Variants in TBC1D32 observed in about 807,000 individuals in gnomAD.
TBC1D32 encodes the protein protein broad-minded.
A neutral mutation model predicts 170.3 loss-of-function variants in TBC1D32; 151 were observed. The ratio of observed to expected loss-of-function variants is 0.89; its 90% CI spans 0.78 to 1.01. TBC1D32 has a LOEUF of 1.01. Among genes scored for constraint, TBC1D32 ranks in the 50% least tolerant of loss-of-function variants. The pLI is 0.00. For missense variants in TBC1D32, 1,464 were observed against 1,457.1 expected (o/e 1.00, Z -0.08); for synonymous variants, 498 against 488.0 (o/e 1.02, Z -0.27).
chr6:121,091,379 T>C (rs1428920998), intron 30 of TBC1D32, among the ~76,000 whole-genome samples: 1 of 152,146 alleles, frequency 6.6e-6, no homozygotes, highest in African/African-American at 2.4e-5. Context: ...TAAGAGACTA[T>C]TTTAATTCAG....
chr6:121,279,478 A>C (rs1406513991), intron 14 of TBC1D32, among the ~76,000 whole-genome samples: 1 of 151,944 alleles, frequency 6.6e-6, no homozygotes, highest in East Asian at 1.9e-4. Flanking sequence ...TTTTTCACCC[A>C]AACTATTGAG....
chr6:121,086,302 T>C (rs369585000), intron 31 of TBC1D32, among the ~76,000 whole-genome samples: 15 of 152,086 alleles, frequency 9.9e-5, no homozygotes, highest in Admixed American at 2.0e-4. Context: ...AAGTTAGAAT[T>C]TGAAACCAGA....
chr6:121,223,051 T>G (rs560824846), intron 21 of TBC1D32, among the ~76,000 whole-genome samples, 185 bp downstream of exon 21: 2 of 152,326 alleles, frequency 1.3e-5, no homozygotes, highest in African/African-American at 4.8e-5. Flanking sequence ...TTAGGTGACC[T>G]GGATCAAAGA....
At chr6:121,172,810 A>G (rs1184810245) in intron 22 of TBC1D32, among the ~76,000 whole-genome samples, 1 of 152,172 alleles carries the variant, frequency 6.6e-6, no homozygotes, top group Non-Finnish European at 1.5e-5. Flanking sequence ...TCATATCAGC[A>G]TTTAAGTGTT....
intron 12 of TBC1D32, among the ~76,000 whole-genome samples, chr6:121,287,456 T>C (rs182807576): frequency 1.3e-5 from 2 of 152,272 alleles, no homozygotes; most frequent in African/African-American, 4.8e-5. Context: ...GAGCTAACTA[T>C]CCTAAATATA....
At chr6:121,108,308 A>G (rs540511208) in intron 29 of TBC1D32, among the ~76,000 whole-genome samples, 13 of 152,140 alleles carry the variant, frequency 8.5e-5, no homozygotes, top group African/African-American at 3.1e-4. Context: ...ATTGTTTATT[A>G]TACTTATAGA....
At chr6:121,113,288 T>C in intron 27 of TBC1D32, 111 bp from the exon 28 acceptor site, 3 of 611,452 alleles carry the variant, frequency 4.9e-6, no homozygotes, top group East Asian at 2.9e-5. Context: ...AAAGATTAGC[T>C]CTCAATACAT....
intron 19 of TBC1D32, among the ~76,000 whole-genome samples, 157 bp downstream of exon 19, chr6:121,241,308 A>G (rs1468171363): frequency 6.6e-6 from 1 of 152,244 alleles, no homozygotes; most frequent in East Asian, 1.9e-4. Context: ...AAAGACAAAA[A>G]GAAAATCCTG....
At chr6:121,304,920 A>G in intron 5 of TBC1D32, 87 bp from the exon 6 acceptor site, 1 of 858,494 alleles carries the variant, frequency 1.2e-6, no homozygotes, top group South Asian at 1.6e-5. Context: ...AAAAACTCAG[A>G]AAATAAAATA....
chr6:121,146,927 G>A (rs1284173461), intron 24 of TBC1D32, among the ~76,000 whole-genome samples: 1 of 152,104 alleles, frequency 6.6e-6, no homozygotes, highest in Non-Finnish European at 1.5e-5. Flanking sequence ...AGGGTGATGA[G>A]CACAGCAGCC....
intron 30 of TBC1D32, among the ~76,000 whole-genome samples, chr6:121,104,988 G>A (rs1778540880): frequency 6.6e-6 from 1 of 151,720 alleles, no homozygotes; most frequent in African/African-American, 2.4e-5. Context: ...GTAAATGATA[G>A]GCTTATTCTT....
chr6:121,321,517 A>T, intron 2 of TBC1D32, 116 bp downstream of exon 2: 1 of 1,000,944 alleles, frequency 1.0e-6, no homozygotes, highest in Non-Finnish European at 1.4e-6. Context: ...TCATTGTTTT[A>T]AAGAATCATT....
At chr6:121,300,911 T>C (rs977719894) in intron 9 of TBC1D32, among the ~76,000 whole-genome samples, 2 of 152,156 alleles carry the variant, frequency 1.3e-5, no homozygotes, top group African/African-American at 4.8e-5. Flanking sequence ...AAAGAAGACA[T>C]TTATGCAGCC....
chr6:121,248,760 A>G (rs1375126081), intron 17 of TBC1D32, among the ~76,000 whole-genome samples: 2 of 151,826 alleles, frequency 1.3e-5, no homozygotes, highest in East Asian at 3.9e-4. Flanking sequence ...TTAAGAAGAA[A>G]CAGAAACCCT....
rs1227882651 is a variant in TBC1D32 at position 121,273,935 on chromosome 6, T to C, written c.1733+5186A>G. On this transcript the variant is annotated intron_variant, in intron 15 of 31. Transcript: ENST00000398212. ...TCTGTTCATAAATCTTCTTCCACCATGTGGCTGTGCTGGAGTTTCTCTGAG... is the reference window on the plus strand; with the variant it reads ...TCTGTTCATAAATCTTCTTCCACCACGTGGCTGTGCTGGAGTTTCTCTGAG... Among the ~76,000 whole-genome samples the C allele has an allele frequency of 2.0e-5, 3 of 152,182 alleles. No homozygotes were observed. In the East Asian group the frequency reaches 5.8e-4, roughly 29 times the overall value.
chr6:121,223,479 A>G (rs1300420796), intron 20 of TBC1D32, 127 bp from the exon 21 acceptor site: 2 of 691,516 alleles, frequency 2.9e-6, no homozygotes, highest in South Asian at 1.7e-5. Flanking sequence ...TAATTCCCAT[A>G]CGTTTGAAAT....
intron 22 of TBC1D32, among the ~76,000 whole-genome samples, chr6:121,174,011 A>C (rs1268221586): frequency 1.3e-5 from 2 of 152,156 alleles, no homozygotes; most frequent in Non-Finnish European, 2.9e-5. Flanking sequence ...TCTATGAATT[A>C]AACAAGTTTG....
chr6:121,195,761 G>C (rs1325122896), intron 22 of TBC1D32, among the ~76,000 whole-genome samples: 1 of 152,134 alleles, frequency 6.6e-6, no homozygotes, highest in Non-Finnish European at 1.5e-5. Flanking sequence ...GGTTCTGCAC[G>C]ATATGCAGGC....
Position 121,205,103 on chromosome 6 carries a change from A to T in TBC1D32, c.2542T>A (p.Tyr848Asn), listed in dbSNP as rs748334463. 6.5e-7 allele frequency: 1 copy of T among 1,532,322 alleles called. No individual in the cohort carries two copies. The highest frequency in any genetic ancestry group is 1.2e-5 in the South Asian group (1 of 81,854). 94.9% of individuals were successfully genotyped at this position (1,532,322 alleles called of 1,614,324 possible). Residue 848 changes from tyrosine to asparagine, a missense_variant, in exon 22 of 32, where the codon TAT becomes AAT. Around this residue, in one of 3 missense-constraint regions of TBC1D32, gnomAD observed 1,363 missense variants for 1,338.1 expected, o/e 1.02. Coordinates refer to ENST00000398212, the MANE Select transcript of TBC1D32 (RefSeq NM_152730.6). ...AGACCAAAGATATGTGATTGTTCAT[A>T]GTTGAATAAAGAACGAATCTTAGCT... ...SEAKIRSLFN[Y>N]EQSHIFGLRD... is the part of the protein sequence containing the mutation.
Sources: gnomAD v4.1 joint callset for allele counts (sites outside exome capture counted in the v4.1 genomes callset) on GRCh38, gnomAD v4.1.1 for gene constraint, gnomAD v4.1.1 regional missense constraint, MANE v1.5 for transcripts, NCBI Gene and HGNC (gene_info 2026-07-23, HGNC 2026-07-21) for gene names.